The following GABRB2 variants were observed in gnomAD, a reference collection of about 807,000 sequenced individuals.
GABRB2 encodes the protein gamma-aminobutyric acid receptor subunit beta-2.
A neutral mutation model predicts 54.7 loss-of-function variants in GABRB2; 16 were observed. That is an observed-to-expected ratio of 0.29 (90% confidence interval 0.20 to 0.44). GABRB2 has a LOEUF of 0.44. Among genes scored for constraint, GABRB2 ranks in the 20% least tolerant of loss-of-function variants. GABRB2 has a pLI of 1.00. For synonymous variants in GABRB2, 244 were observed against 233.8 expected, an observed-to-expected ratio of 1.04 and a Z score of -0.40; for missense variants, 355 against 644.0, an observed-to-expected ratio of 0.55 and a Z score of 4.86.
At chr5:161,492,997 A>G (rs964724150) in intron 3 of GABRB2, among the ~76,000 whole-genome samples, 1 of 151,784 alleles carries the variant, frequency 6.6e-6, no homozygotes, top group African/African-American at 2.4e-5. Context: ...TTGCAAATAT[A>G]TATTTTTGCA....
Position 161,358,992 on chromosome 5 carries a change from C to T in GABRB2, c.542-22223G>A, listed in dbSNP as rs191150507. ...TTCTTCACATCCAAAAAGCCTTGAC[C>T]AGAATATAAAATTGCATGGAAACAG... On this transcript the variant is annotated intron_variant, in intron 5 of 9. Coordinates refer to ENST00000393959, the MANE Select transcript of GABRB2 (RefSeq NM_001371727.1). Among the ~76,000 whole-genome samples, 698 of 152,218 alleles carry T rather than the reference C, an allele frequency of 4.6e-3. 4 individuals carry two copies. Among genetic ancestry groups the T allele is most frequent in the African/African-American group, 0.016 (674 of 41,536 alleles).
At chr5:161,374,794 T>TAA (rs1755239176) in intron 5 of GABRB2, among the ~76,000 whole-genome samples, 3 of 152,302 alleles carry the variant, frequency 2.0e-5, no homozygotes, top group African/African-American at 7.2e-5. Context: ...TACACATAAC[T>TAA]ATACACCACA....
At chr5:161,307,450 T>C (rs1383748709) in intron 9 of GABRB2, among the ~76,000 whole-genome samples, 1 of 152,166 alleles carries the variant, frequency 6.6e-6, no homozygotes, top group African/African-American at 2.4e-5. Flanking sequence ...TGAATTCCAG[T>C]GTAGATAAGA....
chr5:161,541,726 G>A (rs1760823667), intron 3 of GABRB2, among the ~76,000 whole-genome samples: 1 of 152,142 alleles, frequency 6.6e-6, no homozygotes, highest in Non-Finnish European at 1.5e-5. Flanking sequence ...TTGTCTCTAA[G>A]GGAATGTTGT....
rs115329696 is a variant in GABRB2, at chr5:161,317,418, T to A, written c.1191+8950A>T. ...CAAATGTAACCACTGGGGAAAAGGT[T>A]CTAAAATAAGTGAATGATGCTTGTG... On this transcript the variant is annotated intron_variant, in intron 9 of 9. Transcript: ENST00000393959. Among the ~76,000 whole-genome samples the A allele has an allele frequency of 2.6e-3, 391 of 152,332 alleles. 3 individuals are homozygous for A. The highest frequency in any genetic ancestry group is 9.1e-3 in the African/African-American group (379 of 41,580).
At chr5:161,351,633 G>A (rs1307859517) in intron 5 of GABRB2, among the ~76,000 whole-genome samples, 1 of 152,012 alleles carries the variant, frequency 6.6e-6, no homozygotes, top group Non-Finnish European at 1.5e-5. Flanking sequence ...CCATGACATT[G>A]GTCTGGGCAA....
intron 5 of GABRB2, among the ~76,000 whole-genome samples, chr5:161,377,303 T>G (rs1755335257): frequency 6.6e-6 from 1 of 152,122 alleles, no homozygotes; most frequent in Non-Finnish European, 1.5e-5. Context: ...GAACAGGGCC[T>G]CTGTATCTTG....
intron 5 of GABRB2, among the ~76,000 whole-genome samples, chr5:161,394,602 GA>G (rs1755938311): frequency 6.6e-6 from 1 of 151,828 alleles, no homozygotes; most frequent in Non-Finnish European, 1.5e-5. Flanking sequence ...AGAATAAATG[GA>G]AAAAAATTAT....
intron 4 of GABRB2, among the ~76,000 whole-genome samples, chr5:161,450,245 C>A (rs542992576): frequency 1.3e-5 from 2 of 152,172 alleles, no homozygotes; most frequent in African/African-American, 2.4e-5. Flanking sequence ...CCGTTGAAAT[C>A]AACAGACATG....
intron 3 of GABRB2, among the ~76,000 whole-genome samples, chr5:161,543,203 A>C (rs554501787): frequency 3.3e-5 from 5 of 152,192 alleles, no homozygotes; most frequent in Non-Finnish European, 4.4e-5. Flanking sequence ...TTTCAGCAAC[A>C]GTAAATAGCT....
At chr5:161,488,330 T>C (rs144263476) in intron 3 of GABRB2, among the ~76,000 whole-genome samples, 1,750 of 151,632 alleles carry the variant, frequency 0.012, 16 homozygotes, top group South Asian at 0.03. Flanking sequence ...TTAGGTTTAG[T>C]CCTAGGAGTA....
chr5:161,313,697 T>G (rs561413199), intron 9 of GABRB2, among the ~76,000 whole-genome samples: 2 of 152,214 alleles, frequency 1.3e-5, no homozygotes, highest in Admixed American at 6.5e-5. Context: ...TTCCAAGCAC[T>G]TCCCCTGTGC....
intron 9 of GABRB2, among the ~76,000 whole-genome samples, chr5:161,297,868 A>G (rs1209506873): frequency 6.6e-6 from 1 of 152,204 alleles, no homozygotes; most frequent in African/African-American, 2.4e-5. Context: ...ACTGTCTTCC[A>G]CAATGGTTGA....
chr5:161,480,963 T>C (rs529620753), intron 3 of GABRB2, among the ~76,000 whole-genome samples: 9 of 152,006 alleles, frequency 5.9e-5, no homozygotes, highest in Non-Finnish European at 1.2e-4. Context: ...GGATTTTAAA[T>C]CAACAGTAAG....
At chr5:161,540,449 C>A (rs146468177) in intron 3 of GABRB2, among the ~76,000 whole-genome samples, 76 of 152,324 alleles carry the variant, frequency 5.0e-4, no homozygotes, top group African/African-American at 1.7e-3. Flanking sequence ...GCCTTGAACA[C>A]CTCAAAGTCA....
At chr5:161,428,808 G>A (rs969304563) in intron 4 of GABRB2, among the ~76,000 whole-genome samples, 20 of 151,980 alleles carry the variant, frequency 1.3e-4, no homozygotes, top group Non-Finnish European at 2.1e-4. Context: ...GGAAGCTATC[G>A]CCTCTGCAAC....
At chr5:161,423,314 C>T (rs1376729516) in intron 4 of GABRB2, among the ~76,000 whole-genome samples, 1 of 152,060 alleles carries the variant, frequency 6.6e-6, no homozygotes, top group Non-Finnish European at 1.5e-5. Flanking sequence ...GGCATACCTC[C>T]TTTTATTGTG....
At chr5:161,520,994 T>A (rs140071499) in intron 3 of GABRB2, among the ~76,000 whole-genome samples, 1 of 152,120 alleles carries the variant, frequency 6.6e-6, no homozygotes, top group Non-Finnish European at 1.5e-5. Context: ...GAGGTCTATG[T>A]CTTGTTGCCT....
At chr5:161,499,185 C>CA (rs1759353504) in intron 3 of GABRB2, among the ~76,000 whole-genome samples, 1 of 152,140 alleles carries the variant, frequency 6.6e-6, no homozygotes, top group South Asian at 2.1e-4. Context: ...TCGTAGCCCC[C>CA]ACTGCCAGGT....
Sources: allele counts gnomAD v4.1 joint callset (sites outside exome capture counted in the v4.1 genomes callset), GRCh38; gene constraint gnomAD v4.1.1; transcripts MANE v1.5; gene names NCBI Gene and HGNC (gene_info 2026-07-23, HGNC 2026-07-21).